Variants in MTCL1 observed in about 807,000 individuals in gnomAD.
MTCL1 encodes the protein microtubule crosslinking factor 1, also known as microtubule cross-linking factor 1.
MTCL1 carries 79 observed loss-of-function variants against 141.4 expected under a neutral mutation model. The ratio of observed to expected loss-of-function variants is 0.56; its 90% confidence interval spans 0.47 to 0.67. MTCL1 has a LOEUF of 0.67. MTCL1 is among the 30% of genes least tolerant of loss of function. MTCL1 has a pLI of 0.00. For synonymous variants in MTCL1, 914 were observed against 875.8 expected (o/e 1.04, Z -0.77); for missense variants, 2,177 against 2,113.9 (o/e 1.03, Z -0.59).
intron 4 of MTCL1, among the ~76,000 whole-genome samples, chr18:8,740,536 A>T (rs763990289): frequency 1.8e-4 from 28 of 152,180 alleles, no homozygotes; most frequent in Non-Finnish European, 3.2e-4. Context: ...AGGCTGGAGT[A>T]CAATGGCACA....
chr18:8,784,090 T>C, exon 6 of MTCL1: 1 of 1,613,280 alleles, frequency 6.2e-7, no homozygotes, highest in Non-Finnish European at 8.5e-7. Context: ...GTGCAAGTCC[T>C]GGTGCCGGGG....
chr18:8,754,180 G>T (rs1447368083), intron 4 of MTCL1, among the ~76,000 whole-genome samples: 1 of 152,132 alleles, frequency 6.6e-6, no homozygotes, highest in South Asian at 2.1e-4. Flanking sequence ...AAGCAATTCT[G>T]GTGTCTCAGC....
At chr18:8,728,720 C>CTTTTTTTTTTTTTTTTT (rs34524200) in intron 4 of MTCL1, among the ~76,000 whole-genome samples, 2 of 59,038 alleles carry the variant, frequency 3.4e-5, no homozygotes, top group African/African-American at 1.3e-4. Context: ...GTTGTCCATT[C>CTTTTTTTTTTTTTTTTT]TTTTTTTTTT....
chr18:8,716,197 C>T (rs1396527957), upstream of MTCL1, among the ~76,000 whole-genome samples: 1 of 152,138 alleles, frequency 6.6e-6, no homozygotes, highest in Non-Finnish European at 1.5e-5. Flanking sequence ...ACTTAGGAGC[C>T]AAGAAGAAGA....
intron 7 of MTCL1, among the ~76,000 whole-genome samples, chr18:8,791,057 G>A (rs2075707104): frequency 6.6e-6 from 1 of 152,196 alleles, no homozygotes; most frequent in African/African-American, 2.4e-5. Flanking sequence ...AGTGGTCTCT[G>A]TGGCCCTTGG....
intron 14 of MTCL1, among the ~76,000 whole-genome samples, chr18:8,824,443 G>A (rs1213374105): frequency 1.3e-5 from 2 of 152,238 alleles, no homozygotes; most frequent in Non-Finnish European, 2.9e-5. Flanking sequence ...GGGATTACGG[G>A]TGTGAGCCAG....
chr18:8,784,330 C>T (rs1455608411), exon 6 of MTCL1: 1 of 1,553,324 alleles, frequency 6.4e-7, no homozygotes, highest in Non-Finnish European at 8.7e-7. Flanking sequence ...TGCCCCAGCC[C>T]AAGCGGGAAG....
At chr18:8,752,254 GTGTAAATAT>G (rs771176930) in intron 4 of MTCL1, among the ~76,000 whole-genome samples, 8 of 152,316 alleles carry the variant, frequency 5.3e-5, no homozygotes, top group Middle Eastern at 6.8e-3. Flanking sequence ...TGAGTAAGAT[GTGTAAATAT>G]TGTGACTTTA....
intron 4 of MTCL1, among the ~76,000 whole-genome samples, chr18:8,754,943 C>G (rs537100635): frequency 6.6e-6 from 1 of 152,276 alleles, no homozygotes; most frequent in African/African-American, 2.4e-5. Context: ...CTGGTGGCAT[C>G]AGAGAGCCCC....
chr18:8,718,367 A>G (rs2096144109), intron 2 of MTCL1, 57 bp from the exon 2 acceptor site: 17 of 1,521,044 alleles, frequency 1.1e-5, no homozygotes, highest in Non-Finnish European at 1.5e-5. Flanking sequence ...AAGGAGAGAC[A>G]TGCCATCCTT....
chr18:8,800,073 A>T (rs1381533861), intron 10 of MTCL1, among the ~76,000 whole-genome samples: 1 of 152,216 alleles, frequency 6.6e-6, no homozygotes, highest in African/African-American at 2.4e-5. Context: ...TAACGCATGC[A>T]CAACCCTCTG....
Position 8,779,737 on chromosome 18 carries a change from T to C in MTCL1, c.417+1845T>C, listed in dbSNP as rs998158465. ...GCTTTAGTCTTGGTGGCAGGCCTCATAGTGCATGTGTGGTTGTTAAGTAGA... is the reference window on the plus strand; with the variant it reads ...GCTTTAGTCTTGGTGGCAGGCCTCACAGTGCATGTGTGGTTGTTAAGTAGA... On this transcript the variant is annotated intron_variant, in intron 5 of 16. Coordinates refer to ENST00000359865, the Ensembl canonical transcript of MTCL1. This position sits in a 1 kb window ranked among gnomAD's most constrained non-coding sequence, Gnocchi z 4.1. Among the ~76,000 whole-genome samples, 39 of 152,152 alleles carry C rather than the reference T, an allele frequency of 2.6e-4. No homozygotes were observed. The highest frequency in any genetic ancestry group is 9.2e-4 in the African/African-American group (38 of 41,440).
exon 6 of MTCL1, chr18:8,784,079 G>A: frequency 6.2e-7 from 1 of 1,613,418 alleles, no homozygotes; most frequent in Non-Finnish European, 8.5e-7. Context: ...GCTAGGAGAG[G>A]GTGCAAGTCC....
intron 11 of MTCL1, 142 bp downstream of exon 10, chr18:8,807,202 C>T: frequency 1.1e-6 from 1 of 901,230 alleles, no homozygotes; most frequent in Non-Finnish European, 1.6e-6. Context: ...GCTTGTGTCT[C>T]TTCTTAAAGT....
At chr18:8,798,162 T>C in exon 10 of MTCL1, 1 of 1,596,200 alleles carries the variant, frequency 6.3e-7, no homozygotes, top group South Asian at 1.1e-5. Context: ...ACCAGGCGGA[T>C]GGCCCAGACC....
chr18:8,705,763 A>G lies in MTCL1; in HGVS notation c.103A>G (p.Arg35Gly). 1 of 1,201,088 alleles carries G rather than the reference A, an allele frequency of 8.3e-7. No homozygotes were observed. Among genetic ancestry groups the G allele is most frequent in the Non-Finnish European group, 1.0e-6 (1 of 967,804 alleles). 74.4% of individuals were successfully genotyped at this position (1,201,088 alleles called of 1,614,324 possible). ...CCACCACCTCCACCCGGTGGCCGAA[A>G]GGCGGCGGCTGCACCGTGCGCCCTC... The change falls in exon 1 of 14, where the codon AGG (arginine) becomes GGG (glycine). Residue 35 changes from arginine to glycine, a missense_variant. Physicochemically the swap from Arg to Gly is moderately radical, Grantham distance 125 (BLOSUM62 -2). Transcript: ENST00000306329. The surrounding 1 kb of genome is among the most constrained non-coding windows in gnomAD (Gnocchi z 5.2).
Position 8,822,488 on chromosome 18 carries a change from G to A in MTCL1, c.3188+990G>A, listed in dbSNP as rs1228488132. Among the ~76,000 whole-genome samples, 25 of 152,006 alleles carry A rather than the reference G, an allele frequency of 1.6e-4. No individual in the cohort carries two copies. The highest frequency in any genetic ancestry group is 5.6e-4 in the African/African-American group (23 of 41,380). ...TGTCTTTTAATAGAAACAGAGTTTC[G>A]CCATGTTGGCCAGGCTGGTCTCGAA... is the stretch of plus-strand genomic sequence containing the variant. On this transcript the variant is annotated intron_variant, in intron 14 of 16. Coordinates refer to ENST00000359865, the Ensembl canonical transcript of MTCL1. The surrounding 1 kb of genome is among the most constrained non-coding windows in gnomAD (Gnocchi z 4.6).
At chr18:8,801,601 T>G (rs1485334353) in intron 10 of MTCL1, 1 of 152,178 alleles carries the variant, frequency 6.6e-6, no homozygotes, top group Non-Finnish European at 1.5e-5. Flanking sequence ...AGGACTCTCC[T>G]TGCCCCATCC....
At chr18:8,705,604 C>T (rs955098546), upstream of MTCL1, 191 of 1,209,278 alleles carry the variant, frequency 1.6e-4, no homozygotes, top group Non-Finnish European at 1.3e-4. The surrounding 1 kb of genome is among the most constrained non-coding windows in gnomAD (Gnocchi z 5.2). Flanking sequence ...CCGCCGCCGC[C>T]GCCGCCGTCG....
Sources: allele counts gnomAD v4.1 joint callset (sites outside exome capture counted in the v4.1 genomes callset), GRCh38; gene constraint gnomAD v4.1.1; non-coding constraint Gnocchi (gnomAD v3.1); transcripts MANE v1.5; gene names NCBI Gene and HGNC (gene_info 2026-07-23, HGNC 2026-07-21).